The following RAD51B variants were observed in gnomAD, a reference collection of about 807,000 sequenced individuals.
RAD51B encodes RAD51 paralog B, also known as DNA repair protein RAD51 homolog 2.
RAD51B carries 38 observed loss-of-function variants against 42.2 expected under a neutral mutation model. That is an observed-to-expected ratio of 0.90 (90% CI 0.70 to 1.18). The LOEUF is 1.18. RAD51B is among the 50% of genes most tolerant of loss of function. The pLI, the probability that RAD51B is intolerant of heterozygous loss-of-function variation, is 0.00. For synonymous variants in RAD51B, 154 were observed against 145.2 expected (o/e 1.06, Z -0.43); for missense variants, 373 against 400.7 (o/e 0.93, Z 0.59).
chr14:68,148,757 A>C (rs1249227574), intron 7 of RAD51B, among the ~76,000 whole-genome samples: 1 of 152,158 alleles, frequency 6.6e-6, no homozygotes, highest in Non-Finnish European at 1.5e-5. Context: ...CTCTTCAATA[A>C]ATTGTATGAG....
At chr14:67,984,389 C>T (rs1443583831) in intron 7 of RAD51B, among the ~76,000 whole-genome samples, 4 of 152,162 alleles carry the variant, frequency 2.6e-5, no homozygotes, top group Non-Finnish European at 5.9e-5. Context: ...GGTTTCAAGA[C>T]ACTTTCTTAT....
intron 7 of RAD51B, among the ~76,000 whole-genome samples, chr14:68,262,104 T>G (rs1595623284): frequency 1.3e-5 from 2 of 152,316 alleles, no homozygotes; most frequent in South Asian, 2.1e-4. Context: ...ACAGGAAAGT[T>G]TACTGTGCAT....
chr14:68,246,474 G>C (rs1046714916), intron 7 of RAD51B, among the ~76,000 whole-genome samples: 1 of 152,164 alleles, frequency 6.6e-6, no homozygotes, highest in African/African-American at 2.4e-5. Context: ...AAAGGAGAGA[G>C]AATCTGGGAC....
chr14:68,605,330 G>A (rs1490790920), intron 10 of RAD51B, among the ~76,000 whole-genome samples: 3 of 152,220 alleles, frequency 2.0e-5, no homozygotes, highest in Non-Finnish European at 4.4e-5. Context: ...TCTCAGCAAG[G>A]CCATTTTTAC....
At chr14:68,318,773 A>G (rs1352286871) in intron 8 of RAD51B, among the ~76,000 whole-genome samples, 1 of 152,202 alleles carries the variant, frequency 6.6e-6, no homozygotes, top group Non-Finnish European at 1.5e-5. Flanking sequence ...ATTTAGTGGC[A>G]TTGAACCCGC....
chr14:68,075,626 G>A (rs2076820527), intron 7 of RAD51B, among the ~76,000 whole-genome samples: 1 of 152,180 alleles, frequency 6.6e-6, no homozygotes, highest in Non-Finnish European at 1.5e-5. Context: ...TACCACTGCA[G>A]TGGCAGTGAC....
intron 7 of RAD51B, among the ~76,000 whole-genome samples, chr14:68,044,746 GC>G (rs2076271291): frequency 6.6e-6 from 1 of 151,094 alleles, no homozygotes; most frequent in South Asian, 2.1e-4. Context: ...CTCTTTGCTT[GC>G]CCCCGCCCCC....
chr14:68,047,256 T>A (rs928872631), intron 7 of RAD51B, among the ~76,000 whole-genome samples: 5 of 152,150 alleles, frequency 3.3e-5, no homozygotes, highest in Non-Finnish European at 5.9e-5. Flanking sequence ...AAATAATGTT[T>A]ATGAGAAGAA....
At chr14:68,612,611 G>A (rs943801799), downstream of RAD51B, among the ~76,000 whole-genome samples, 10 of 152,176 alleles carry the variant, frequency 6.6e-5, no homozygotes, top group Admixed American at 2.0e-4. Context: ...AGAGGTTGGG[G>A]TGGAGAGAGG....
intron 7 of RAD51B, among the ~76,000 whole-genome samples, chr14:67,942,041 A>G (rs973088639): frequency 1.3e-5 from 2 of 152,200 alleles, no homozygotes; most frequent in Middle Eastern, 3.2e-3. Context: ...CTCTCTTTAA[A>G]TGTAGTAAAG....
At chr14:67,972,199 C>A (rs539596433) in intron 7 of RAD51B, among the ~76,000 whole-genome samples, 93 of 151,744 alleles carry the variant, frequency 6.1e-4, no homozygotes, top group Non-Finnish European at 9.4e-4. Context: ...AGATAGCAGG[C>A]AGAAGACAGA....
At chr14:68,142,108 C>T (rs2078141613) in intron 7 of RAD51B, among the ~76,000 whole-genome samples, 1 of 151,746 alleles carries the variant, frequency 6.6e-6, no homozygotes, top group Non-Finnish European at 1.5e-5. Flanking sequence ...GAAGGAAAAA[C>T]TAGTTAATTT....
chr14:68,593,872 C>A (rs1890866598), intron 10 of RAD51B, among the ~76,000 whole-genome samples: 1 of 152,164 alleles, frequency 6.6e-6, no homozygotes, highest in Non-Finnish European at 1.5e-5. Flanking sequence ...TGCTCTGTTG[C>A]AGTAAATCTT....
chr14:68,021,771 C>T (rs1025915005), intron 7 of RAD51B, among the ~76,000 whole-genome samples: 12 of 152,110 alleles, frequency 7.9e-5, no homozygotes, highest in South Asian at 2.1e-4. Context: ...TTGCACTGTA[C>T]GGTAGTCTAC....
intron 8 of RAD51B, among the ~76,000 whole-genome samples, chr14:68,394,817 C>A (rs1187919832): frequency 6.6e-6 from 1 of 152,168 alleles, no homozygotes; most frequent in Non-Finnish European, 1.5e-5. Context: ...CTGGGCTGGG[C>A]CAAAAGAGAA....
At chr14:68,305,106 C>G (rs937987310) in intron 8 of RAD51B, among the ~76,000 whole-genome samples, 7 of 152,182 alleles carry the variant, frequency 4.6e-5, no homozygotes, top group African/African-American at 7.2e-5. Context: ...TATTTTTTCC[C>G]TACATCCCGT....
rs778136542 is a variant in RAD51B at position 68,331,367 on chromosome 14, C to CAAAAAAAAAAAAAAAAAAA, written c.853+39405_853+39406insAAAAAAAAAAAAAAAAAAA. On this transcript the variant is annotated intron_variant, in intron 8 of 10. Coordinates refer to ENST00000471583, the MANE Select transcript of RAD51B (RefSeq NM_133510.4). The stretch of plus-strand genomic sequence containing the variant: ...TGGGCTACAGAACGAGACTCTGTCT[C>CAAAAAAAAAAAAAAAAAAA]AAAAAAAAAAAAAAAAAAGCAATGG... 1.0e-3 allele frequency among the ~76,000 whole-genome samples: 34 copies of CAAAAAAAAAAAAAAAAAAA among 32,934 alleles called. 6 individuals are homozygous for CAAAAAAAAAAAAAAAAAAA. Among genetic ancestry groups the CAAAAAAAAAAAAAAAAAAA allele is most frequent in the Non-Finnish European group, 1.4e-3 (19 of 13,172 alleles). The allele number at this position is 32,934 out of a possible 152,430, so 21.6% of individuals were successfully genotyped here.
intron 7 of RAD51B, among the ~76,000 whole-genome samples, chr14:68,229,513 A>C (rs2080106274): frequency 6.6e-6 from 1 of 152,192 alleles, no homozygotes; most frequent in South Asian, 2.1e-4. Flanking sequence ...GGAATTTGCC[A>C]TTGTCAATGT....
At chr14:68,525,792 C>T (rs528346617) in intron 10 of RAD51B, among the ~76,000 whole-genome samples, 1 of 152,348 alleles carries the variant, frequency 6.6e-6, no homozygotes, top group South Asian at 2.1e-4. Context: ...TAGCCAGCCA[C>T]AACTTCAATG....
Sources: allele counts gnomAD v4.1 joint callset (sites outside exome capture counted in the v4.1 genomes callset), GRCh38; gene constraint gnomAD v4.1.1; transcripts MANE v1.5; gene names NCBI Gene and HGNC (gene_info 2026-07-23, HGNC 2026-07-21).